CAPN5: variants seen among roughly 807,000 people sequenced by gnomAD.
The protein encoded by CAPN5 is calpain-5.
Under a neutral mutation model 73.0 loss-of-function variants are expected in CAPN5, and 54 were observed. The ratio of observed to expected loss-of-function variants is 0.74; its 90% confidence interval spans 0.59 to 0.93. The LOEUF is 0.93. Ranked by LOEUF, CAPN5 falls within the 40% of genes least tolerant of loss-of-function variation. The probability of loss-of-function intolerance (pLI) is 0.00; values close to 1 mark genes in which losing one functional copy is unlikely to be tolerated. For missense variants in CAPN5, 785 were observed against 882.9 expected, an observed-to-expected ratio of 0.89 and a Z score of 1.41; for synonymous variants, 335 against 356.9, an observed-to-expected ratio of 0.94 and a Z score of 0.69.
At chr11:77,110,153 G>C (rs1555040556) in intron 3 of CAPN5, among the ~76,000 whole-genome samples, 1 of 147,816 alleles carries the variant, frequency 6.8e-6, no homozygotes, top group Non-Finnish European at 1.5e-5. Context: ...TTGCTCTGTT[G>C]CCCAGCTCAC....
chr11:77,112,856 G>C (rs868950428), intron 4 of CAPN5, 59 bp downstream of exon 4: 20 of 1,493,664 alleles, frequency 1.3e-5, no homozygotes, highest in Middle Eastern at 1.7e-4. Context: ...CACCGGATGG[G>C]CTCCTCGTGG....
chr11:77,096,439 T>G (rs1231654573), intron 3 of CAPN5, among the ~76,000 whole-genome samples: 6 of 152,168 alleles, frequency 3.9e-5, no homozygotes, highest in Non-Finnish European at 7.3e-5. Context: ...CCTTTTGCGC[T>G]CTCTGCACTT....
chr11:77,106,113 T>G (rs1211545287), intron 3 of CAPN5, among the ~76,000 whole-genome samples: 4 of 152,110 alleles, frequency 2.6e-5, no homozygotes, highest in African/African-American at 9.7e-5. Context: ...TGGTTTTGTT[T>G]TGGAATGAGC....
At chr11:77,099,775 G>C (rs565924244) in intron 3 of CAPN5, among the ~76,000 whole-genome samples, 11 of 151,314 alleles carry the variant, frequency 7.3e-5, no homozygotes, top group South Asian at 2.1e-4. Context: ...GAGAGGGAGA[G>C]GGAGAGGGAG....
At chr11:77,088,119 C>T in intron 2 of CAPN5, 1 of 1,484,126 alleles carries the variant, frequency 6.7e-7, no homozygotes, top group Non-Finnish European at 8.9e-7. Context: ...CATGCTGTCT[C>T]TCCCACATCT....
At chr11:77,115,352 C>T in intron 5 of CAPN5, 43 bp from the exon 6 acceptor site, 1 of 1,524,234 alleles carries the variant, frequency 6.6e-7, no homozygotes, top group South Asian at 1.2e-5. Context: ...GGTCTGGGTT[C>T]CAGTGTGGCC....
Position 77,119,151 on chromosome 11 carries a change from A to G in CAPN5, c.1289A>G (p.Lys430Arg). ...ENLAIGFDIYKVEENRQYRMH... is the reference protein window; with the variant it reads ...ENLAIGFDIYRVEENRQYRMH... ...CTGGCCATTGGCTTTGACATCTACA[A>G]GGTGAGGCCAGCCGGGTCCCCTGCC... The change falls in exon 9 of 13, where the codon AAG becomes AGG. Residue 430 changes from lysine (K) to arginine (R), a missense_variant and splice_region_variant. Physicochemically the swap from Lys to Arg is conservative, Grantham distance 26 (BLOSUM62 2). Transcript: ENST00000648180. 6.2e-7 allele frequency: 1 copy of G among 1,608,656 alleles called. No individual in the cohort carries two copies. Among genetic ancestry groups the G allele is most frequent in the Non-Finnish European group, 8.5e-7 (1 of 1,177,674 alleles).
intron 3 of CAPN5, among the ~76,000 whole-genome samples, chr11:77,111,997 T>A (rs1950414849): frequency 6.6e-6 from 1 of 151,950 alleles, no homozygotes; most frequent in Non-Finnish European, 1.5e-5. Flanking sequence ...ATTGAGAGTT[T>A]GTGTCTTATT....
intron 8 of CAPN5, among the ~76,000 whole-genome samples, chr11:77,118,599 GT>G (rs1199644452): frequency 6.6e-6 from 1 of 152,236 alleles, no homozygotes; most frequent in Non-Finnish European, 1.5e-5. Context: ...GGACATTTGG[GT>G]GTCTTGTTCT....
At chr11:77,085,211 G>A (rs1950073223) in intron 2 of CAPN5, among the ~76,000 whole-genome samples, 160 bp downstream of exon 2, 1 of 152,200 alleles carries the variant, frequency 6.6e-6, no homozygotes, top group Admixed American at 6.5e-5. Context: ...CGGATGGGGA[G>A]CTTGGAGAAT....
intron 2 of CAPN5, among the ~76,000 whole-genome samples, chr11:77,092,963 G>A (rs1392407336): frequency 1.3e-5 from 2 of 152,170 alleles, no homozygotes; most frequent in African/African-American, 2.4e-5. Context: ...GCAAAAGAGC[G>A]AGACTGTCTC....
intron 1 of CAPN5, among the ~76,000 whole-genome samples, chr11:77,077,114 T>C (rs981849129): frequency 2.6e-5 from 4 of 152,338 alleles, no homozygotes; most frequent in African/African-American, 9.6e-5. Flanking sequence ...CCCAGCACTT[T>C]GGGAGGCCAA....
chr11:77,082,500 A>G (rs1950037889), intron 1 of CAPN5, among the ~76,000 whole-genome samples: 2 of 152,176 alleles, frequency 1.3e-5, no homozygotes, highest in African/African-American at 4.8e-5. Flanking sequence ...TGTTGGCCCC[A>G]TAGATACAGT....
At chr11:77,120,538 C>T (rs952426628) in intron 9 of CAPN5, 175 bp from the exon 10 acceptor site, 16 of 528,602 alleles carry the variant, frequency 3.0e-5, no homozygotes, top group African/African-American at 2.5e-4. Context: ...TTGACCTCTT[C>T]CCTTCAGCCC....
chr11:77,104,111 T>C (rs1264246770), intron 3 of CAPN5, among the ~76,000 whole-genome samples: 1 of 152,238 alleles, frequency 6.6e-6, no homozygotes, highest in Non-Finnish European at 1.5e-5. Flanking sequence ...GATTATCTGT[T>C]CATCATTGCT....
intron 10 of CAPN5, 52 bp from the exon 11 acceptor site, chr11:77,121,882 G>T: frequency 1.0e-6 from 1 of 1,001,456 alleles, no homozygotes; most frequent in Non-Finnish European, 1.5e-6. Context: ...CTTCACCCCT[G>T]TCTTCCTGGC....
chr11:77,084,343 A>G (rs142976313), intron 1 of CAPN5, among the ~76,000 whole-genome samples: 328 of 152,302 alleles, frequency 2.2e-3, no homozygotes, highest in African/African-American at 7.8e-3. Flanking sequence ...GGAAGGCAGC[A>G]TGGTGCGGGG....
chr11:77,075,740 G>A (rs1949962240), intron 1 of CAPN5, among the ~76,000 whole-genome samples: 1 of 152,058 alleles, frequency 6.6e-6, no homozygotes, highest in African/African-American at 2.4e-5. Context: ...TAGGTCTTAA[G>A]TGTAGAGCTC....
chr11:77,122,101 C>A, intron 11 of CAPN5, 52 bp downstream of exon 11: 1 of 1,053,566 alleles, frequency 9.5e-7, no homozygotes, highest in Non-Finnish European at 1.4e-6. Flanking sequence ...TGTCCCATGG[C>A]CTCTCTCCAC....
Sources: gnomAD v4.1 joint callset for allele counts (sites outside exome capture counted in the v4.1 genomes callset) on GRCh38, gnomAD v4.1.1 for gene constraint, MANE v1.5 for transcripts, NCBI Gene and HGNC (gene_info 2026-07-23, HGNC 2026-07-21) for gene names.